SORBS2: variants seen among roughly 807,000 people sequenced by gnomAD.
SORBS2 encodes the protein sorbin and SH3 domain containing 2.
In SORBS2, 46 loss-of-function variants were observed where a neutral mutation model predicts 97.7. The observed-to-expected ratio is 0.47, with a 90% CI of 0.37 to 0.60. The LOEUF is 0.60. Ranked by LOEUF, SORBS2 falls within the 20% of genes least tolerant of loss-of-function variation. SORBS2 has a pLI of 0.00. For synonymous variants in SORBS2, 476 were observed against 473.4 expected, an observed-to-expected ratio of 1.01 and a Z score of -0.07; for missense variants, 1,316 against 1,282.3, an observed-to-expected ratio of 1.03 and a Z score of -0.40.
chr4:185,751,040 G>T (rs971321847), intron 2 of SORBS2, among the ~76,000 whole-genome samples: 3 of 151,586 alleles, frequency 2.0e-5, no homozygotes, highest in Non-Finnish European at 4.4e-5. Context: ...CCTTGTTTGG[G>T]GAGACAAAAC....
In SORBS2 at chr4:185,678,833, A is replaced by C. The variant is rs202043253; in HGVS notation, c.-197-11T>G. The C allele has an allele frequency of 4.2e-6, 6 of 1,445,362 alleles. No individual in the cohort carries two copies. The highest frequency in any genetic ancestry group is 5.5e-6 in the Non-Finnish European group (6 of 1,090,594). 89.5% of individuals were successfully genotyped at this position (1,445,362 alleles called of 1,614,324 possible). On this transcript the variant is annotated splice_polypyrimidine_tract_variant and intron_variant, in intron 2 of 20. Coordinates refer to the SORBS2 transcript ENST00000284776. ...ACTGAGAATCACGCCCTGAAAGAAA[A>C]AAAAATGTTGAAATTAAGACTAAGG...
chr4:185,944,170 C>CTTGGAGGAGGAGGAGGAGGAAAGTTGGCT (rs1383448472), intron 1 of SORBS2, among the ~76,000 whole-genome samples: 24 of 152,178 alleles, frequency 1.6e-4, no homozygotes, highest in African/African-American at 5.6e-4. Context: ...ATACGGAAAG[C>CTTGGAGGAGGAGGAGGAGGAAAGTTGGCT]CAAACGCTTA....
At chr4:185,629,442 TA>T (rs2096869353) in intron 5 of SORBS2, among the ~76,000 whole-genome samples, 1 of 151,950 alleles carries the variant, frequency 6.6e-6, no homozygotes, top group East Asian at 1.9e-4. Context: ...GAAATCTACA[TA>T]GAAGGGTAAA....
At chr4:185,752,567 T>C (rs1003665615) in intron 2 of SORBS2, among the ~76,000 whole-genome samples, 17 of 152,188 alleles carry the variant, frequency 1.1e-4, no homozygotes, top group Admixed American at 3.3e-4. Flanking sequence ...TGAGCCACCG[T>C]GCCCAGCCCT....
intron 4 of SORBS2, chr4:185,646,417 GTATATA>G (rs35114445): frequency 6.6e-6 from 2 of 300,982 alleles, no homozygotes; most frequent in East Asian, 5.1e-5. Flanking sequence ...ATGTGTGTGT[GTATATA>G]TATATATATA....
chr4:185,731,898 ATATATATATAT>A (rs1345576754), intron 2 of SORBS2, among the ~76,000 whole-genome samples: 44 of 86,222 alleles, frequency 5.1e-4, no homozygotes, highest in Middle Eastern at 6.6e-3. Context: ...ATATATATAT[ATATATATATAT>A]GTCTGTTTCT....
intron 1 of SORBS2, among the ~76,000 whole-genome samples, chr4:185,859,092 A>G (rs998996065): frequency 1.7e-4 from 17 of 101,500 alleles, no homozygotes; most frequent in African/African-American, 4.3e-4. Flanking sequence ...AATTGCCAAG[A>G]AAACAACAAC....
chr4:185,738,245 T>G (rs2098700641), intron 2 of SORBS2, among the ~76,000 whole-genome samples: 1 of 152,248 alleles, frequency 6.6e-6, no homozygotes, highest in African/African-American at 2.4e-5. Flanking sequence ...ATTCAAATAT[T>G]TTCTGAGAAA....
chr4:185,790,121 C>CT (rs542009718), intron 1 of SORBS2, among the ~76,000 whole-genome samples: 257 of 145,962 alleles, frequency 1.8e-3, no homozygotes, highest in Middle Eastern at 3.5e-3. Context: ...AGTTTTATTT[C>CT]TTTTTTTTTT....
chr4:185,920,794 G>A (rs544521610), intron 1 of SORBS2, among the ~76,000 whole-genome samples: 1 of 152,298 alleles, frequency 6.6e-6, no homozygotes, highest in East Asian at 1.9e-4. Context: ...CAAAGGAAAA[G>A]TGAAAGAAAA....
chr4:185,610,648 T>C (rs1412135818), intron 12 of SORBS2, among the ~76,000 whole-genome samples: 1 of 152,158 alleles, frequency 6.6e-6, no homozygotes, highest in South Asian at 2.1e-4. Flanking sequence ...CAGGCTCATT[T>C]TCAAGAAGTA....
At chr4:185,612,358 C>T (rs2096552878) in intron 11 of SORBS2, among the ~76,000 whole-genome samples, 1 of 152,178 alleles carries the variant, frequency 6.6e-6, no homozygotes, top group Non-Finnish European at 1.5e-5. Flanking sequence ...AGGTTCAGTG[C>T]ATTGGCCTTC....
intron 1 of SORBS2, among the ~76,000 whole-genome samples, chr4:185,884,444 T>C (rs890044722): frequency 7.2e-5 from 11 of 152,214 alleles, no homozygotes; most frequent in African/African-American, 2.7e-4. Flanking sequence ...AAAATAAGCA[T>C]GTGCTGTTTT....
rs180724168 is a variant in SORBS2, at chr4:185,684,869, G to A, written c.-197-6047C>T. ...TATCTGGAAGCAAAAAAATGATATA[G>A]CAGAGGCCAAGGCAACGGGAAAAGC... On this transcript the variant is annotated intron_variant, in intron 2 of 20. Coordinates refer to the SORBS2 transcript ENST00000284776. This position sits in a 1 kb window ranked among gnomAD's most constrained non-coding sequence, Gnocchi z 4.2. 1.3e-6 allele frequency: 2 copies of A among 1,541,500 alleles called. No homozygotes were observed.
chr4:185,594,831 C>T (rs1348812254), intron 12 of SORBS2, among the ~76,000 whole-genome samples: 1 of 152,270 alleles, frequency 6.6e-6, no homozygotes, highest in African/African-American at 2.4e-5. Context: ...CATTCATAAT[C>T]CATTTCAAAA....
At chr4:185,598,242 T>C (rs3762922) in intron 12 of SORBS2, among the ~76,000 whole-genome samples, 19,887 of 152,118 alleles carry the variant, frequency 0.13, 1,800 homozygotes, top group African/African-American at 0.25. Context: ...AAGAGAAAAA[T>C]CCAGTGAAGC....
At position 185,593,936 on chromosome 4, in the gene SORBS2, C is replaced by A. The variant is rs1012637295; in HGVS notation, c.2797-1G>T. 2 of 1,599,886 alleles carry A rather than the reference C, an allele frequency of 1.3e-6. No homozygotes were observed. Among genetic ancestry groups the A allele is most frequent in the African/African-American group, 2.7e-5 (2 of 74,626 alleles). ...CATGAGTAAACACAGGACGCTGTGG[C>A]TGAAATGAAATGATTTTCAATGTAA... is the stretch of plus-strand genomic sequence containing the variant. On this transcript the variant is annotated splice_acceptor_variant, in intron 12 of 14. Transcript: ENST00000418609. LOFTEE classifies it high-confidence loss of function.
intron 1 of SORBS2, among the ~76,000 whole-genome samples, chr4:185,900,706 A>G (rs984738089): frequency 1.3e-5 from 2 of 152,212 alleles, no homozygotes; most frequent in Non-Finnish European, 2.9e-5. Flanking sequence ...GAGTTGGAAG[A>G]AACTGCCTAC....
At chr4:185,709,824 T>G (rs1448538823) in intron 2 of SORBS2, 1 of 152,006 alleles carries the variant, frequency 6.6e-6, no homozygotes, top group Non-Finnish European at 1.5e-5. Flanking sequence ...ACATTTCTGA[T>G]ATTACTGCCA....
Sources: allele counts gnomAD v4.1 joint callset (sites outside exome capture counted in the v4.1 genomes callset), GRCh38; gene constraint gnomAD v4.1.1; non-coding constraint Gnocchi (gnomAD v3.1); transcripts MANE v1.5; gene names NCBI Gene and HGNC (gene_info 2026-07-23, HGNC 2026-07-21).